PAK5: variants seen among roughly 807,000 people sequenced by gnomAD.
PAK5 encodes serine/threonine-protein kinase PAK 5.
In PAK5, 16 loss-of-function variants were observed where a neutral mutation model predicts 65.9. The ratio of observed to expected loss-of-function variants is 0.24; its 90% CI spans 0.16 to 0.37. PAK5 has a LOEUF of 0.37. PAK5 is among the 10% of genes least tolerant of loss of function. The pLI is 1.00. For missense variants in PAK5, 785 were observed against 903.9 expected (o/e 0.87, Z 1.69); for synonymous variants, 371 against 354.9 (o/e 1.05, Z -0.51).
chr20:9,596,949 T>G (rs1052842200), intron 3 of PAK5, among the ~76,000 whole-genome samples: 5 of 152,222 alleles, frequency 3.3e-5, no homozygotes, highest in Non-Finnish European at 5.9e-5. Context: ...TAACAAGCTC[T>G]TAGGTGAGGC....
chr20:9,645,655 G>A (rs913953753), intron 2 of PAK5, among the ~76,000 whole-genome samples: 1 of 151,756 alleles, frequency 6.6e-6, no homozygotes. Context: ...TGCAATCTCA[G>A]CTCACTGCAA....
At chr20:9,836,592 G>C (rs1979167418) in intron 1 of PAK5, among the ~76,000 whole-genome samples, 1 of 152,142 alleles carries the variant, frequency 6.6e-6, no homozygotes, top group Non-Finnish European at 1.5e-5. Flanking sequence ...TGGACCTCTA[G>C]CCTCCAGAAC....
chr20:9,713,239 T>G (rs997372371), intron 1 of PAK5, among the ~76,000 whole-genome samples: 2 of 151,938 alleles, frequency 1.3e-5, no homozygotes, highest in Non-Finnish European at 2.9e-5. Context: ...GACATACAAA[T>G]GTCCAACAGG....
chr20:9,732,218 G>A (rs2048341980), intron 1 of PAK5, among the ~76,000 whole-genome samples: 2 of 152,098 alleles, frequency 1.3e-5, no homozygotes, highest in Non-Finnish European at 2.9e-5. Flanking sequence ...AACAGCTTAA[G>A]TACTCTAACA....
chr20:9,579,400 T>C (rs1240951284), intron 4 of PAK5, among the ~76,000 whole-genome samples: 1 of 152,212 alleles, frequency 6.6e-6, no homozygotes, highest in Non-Finnish European at 1.5e-5. Context: ...GACCTTTGCC[T>C]GTGCTTTTAG....
At chr20:9,787,719 T>A (rs2049007870) in intron 1 of PAK5, among the ~76,000 whole-genome samples, 2 of 151,330 alleles carry the variant, frequency 1.3e-5, no homozygotes, top group South Asian at 4.2e-4. Flanking sequence ...CAAAAAAAAA[T>A]TCTTGATACT....
chr20:9,709,563 T>C (rs1336500595), intron 2 of PAK5, among the ~76,000 whole-genome samples: 1 of 152,162 alleles, frequency 6.6e-6, no homozygotes, highest in African/African-American at 2.4e-5. Flanking sequence ...CCTGTGAACT[T>C]GTAGAGTCTC....
At chr20:9,769,267 A>T (rs1271414890) in intron 1 of PAK5, among the ~76,000 whole-genome samples, 1 of 152,234 alleles carries the variant, frequency 6.6e-6, no homozygotes, top group African/African-American at 2.4e-5. Context: ...AGCTGTGTGG[A>T]GATGAAGCTG....
At chr20:9,701,424 C>A (rs908036086) in intron 2 of PAK5, among the ~76,000 whole-genome samples, 35 of 152,160 alleles carry the variant, frequency 2.3e-4, no homozygotes, top group African/African-American at 8.0e-4. Flanking sequence ...CACTCAGGAT[C>A]TATGCCCACA....
intron 1 of PAK5, among the ~76,000 whole-genome samples, chr20:9,822,591 A>C (rs368842016): frequency 7.9e-5 from 12 of 152,210 alleles, no homozygotes; most frequent in African/African-American, 2.9e-4. Flanking sequence ...TTGCCCAATC[A>C]ATAGCTCACA....
At chr20:9,546,675 T>C (rs2045349418) in intron 7 of PAK5, among the ~76,000 whole-genome samples, 2 of 152,054 alleles carry the variant, frequency 1.3e-5, no homozygotes, top group Admixed American at 6.5e-5. Context: ...AAAGCCAAGG[T>C]AGGGATAGCA....
chr20:9,621,942 T>C (rs2046775387), intron 3 of PAK5, among the ~76,000 whole-genome samples: 1 of 152,212 alleles, frequency 6.6e-6, no homozygotes, highest in African/African-American at 2.4e-5. Flanking sequence ...ACCACAGCTC[T>C]GTCCATAATA....
chr20:9,564,040 G>C (rs909455520), intron 5 of PAK5, among the ~76,000 whole-genome samples: 1 of 152,200 alleles, frequency 6.6e-6, no homozygotes. Flanking sequence ...AGCAGCCGTA[G>C]ATTGTTCTGG....
chr20:9,620,171 ACT>A lies in PAK5; in HGVS notation c.204+23952_204+23953del, dbSNP rs1158619235. On this transcript the variant is annotated intron_variant, in intron 3 of 9. Coordinates refer to ENST00000353224, the MANE Select transcript of PAK5 (RefSeq NM_177990.4). The stretch of plus-strand genomic sequence containing the variant: ...CAGCCTTTATTTGCCCATTCACAAC[ACT>A]CTGTAATTAGAGCTAGATCACATGG... Among the ~76,000 whole-genome samples, 5 of 152,164 alleles carry A rather than the reference ACT, an allele frequency of 3.3e-5. No homozygotes were observed. In the East Asian group the frequency reaches 9.6e-4, roughly 29 times the overall value.
intron 3 of PAK5, among the ~76,000 whole-genome samples, chr20:9,598,775 T>C (rs1022668855): frequency 6.6e-5 from 10 of 152,252 alleles, no homozygotes; most frequent in Non-Finnish European, 4.4e-5. Context: ...AAGTGTCTGT[T>C]CATGTTCTTT....
At chr20:9,607,142 T>C (rs6140983) in intron 3 of PAK5, among the ~76,000 whole-genome samples, 21,682 of 152,156 alleles carry the variant, frequency 0.14, 1,954 homozygotes, top group African/African-American at 0.24. Context: ...GCAGACACCA[T>C]GTTCGACTGA....
chr20:9,787,017 G>A (rs79498175), intron 1 of PAK5, among the ~76,000 whole-genome samples: 32,686 of 151,992 alleles, frequency 0.22, 3,945 homozygotes, highest in Middle Eastern at 0.41. Flanking sequence ...TCATGCAGCT[G>A]CTGAAGATGG....
intron 1 of PAK5, among the ~76,000 whole-genome samples, chr20:9,796,438 A>T (rs2049105406): frequency 6.6e-6 from 1 of 152,118 alleles, no homozygotes; most frequent in South Asian, 2.1e-4. Context: ...CTTCCAGGAA[A>T]TTGGAAGACA....
At chr20:9,808,564 T>C (rs2049259852) in intron 1 of PAK5, among the ~76,000 whole-genome samples, 1 of 152,296 alleles carries the variant, frequency 6.6e-6, no homozygotes, top group East Asian at 1.9e-4. Flanking sequence ...GAAATACTGA[T>C]CCATGCTAGA....
Sources: gnomAD v4.1 joint callset for allele counts (sites outside exome capture counted in the v4.1 genomes callset) on GRCh38, gnomAD v4.1.1 for gene constraint, MANE v1.5 for transcripts, NCBI Gene and HGNC (gene_info 2026-07-23, HGNC 2026-07-21) for gene names.